The following RGS12 variants were observed in gnomAD, a reference collection of about 807,000 sequenced individuals.
RGS12 encodes regulator of G-protein signaling 12.
Under a neutral mutation model 120.1 loss-of-function variants are expected in RGS12, and 66 were observed. The observed-to-expected ratio is 0.55, with a 90% confidence interval of 0.45 to 0.67. The LOEUF is 0.67. RGS12 is among the 30% of genes least tolerant of loss of function. RGS12 has a pLI of 0.00. For missense variants in RGS12, 1,859 were observed against 1,957.7 expected (o/e 0.95, Z 0.95); for synonymous variants, 827 against 804.7 (o/e 1.03, Z -0.47).
intron 2 of RGS12, among the ~76,000 whole-genome samples, chr4:3,340,979 G>T (rs1189991103): frequency 6.6e-6 from 1 of 151,866 alleles, no homozygotes; most frequent in African/African-American, 2.4e-5. Context: ...CTGCCTGCCG[G>T]CTGCCCTCTG....
chr4:3,422,269 C>T (rs890967781), intron 10 of RGS12, 107 bp from the exon 11 acceptor site: 1 of 1,153,594 alleles, frequency 8.7e-7, no homozygotes, highest in Non-Finnish European at 1.2e-6. Context: ...GGCAGGGCGC[C>T]AGCCTCCCCA....
At chr4:3,290,177 G>A (rs1560628935), upstream of RGS12, among the ~76,000 whole-genome samples, 1 of 152,198 alleles carries the variant, frequency 6.6e-6, no homozygotes, top group Non-Finnish European at 1.5e-5. Flanking sequence ...TCAGCAATGA[G>A]ATTGCTGGAT....
rs1724026770 is a variant in RGS12 at position 3,307,276 on chromosome 4, G to A, written c.-101-8794G>A. The stretch of plus-strand genomic sequence containing the variant: ...CCTTGCTCTTAGGCAGACTGTCTTG[G>A]ACATGAGCCCGCGCACCGCTGGGGA... On this transcript the variant is annotated intron_variant, in intron 1 of 17. Coordinates refer to ENST00000336727, the MANE Select transcript of RGS12 (RefSeq NM_001394154.1). Among the ~76,000 whole-genome samples, 4 of 152,212 alleles carry A rather than the reference G, an allele frequency of 2.6e-5. No homozygotes were observed. In the South Asian group the frequency reaches 8.3e-4, roughly 32 times the overall value.
At chr4:3,403,207 C>T (rs1167519947) in intron 4 of RGS12, among the ~76,000 whole-genome samples, 2 of 152,214 alleles carry the variant, frequency 1.3e-5, no homozygotes, top group Non-Finnish European at 2.9e-5. Flanking sequence ...TGGGCTCTGC[C>T]AGAATAGTTA....
intron 2 of RGS12, among the ~76,000 whole-genome samples, chr4:3,330,606 C>A (rs1162862223): frequency 2.0e-5 from 3 of 152,150 alleles, no homozygotes; most frequent in African/African-American, 7.2e-5. Flanking sequence ...ATGAAATTGT[C>A]TGTTGACAAT....
At position 3,436,502 on chromosome 4, in the gene RGS12, G is replaced by C. The variant is rs934337328; in HGVS notation, c.4115-2953G>C. Reference sequence around the variant, plus strand: ...GGGGGACGGGGTCCCTCGGGGGGCAGGAAGGGCGGGCAGTGGGAGAGGTGC... The same window carrying C: ...GGGGGACGGGGTCCCTCGGGGGGCACGAAGGGCGGGCAGTGGGAGAGGTGC... On this transcript the variant is annotated intron_variant, in intron 17 of 17. Transcript: ENST00000336727. Among the ~76,000 whole-genome samples, 3 of 152,216 alleles carry C rather than the reference G, an allele frequency of 2.0e-5. No individual in the cohort carries two copies. In the East Asian group the frequency reaches 5.8e-4, roughly 29 times the overall value.
intron 4 of RGS12, among the ~76,000 whole-genome samples, chr4:3,388,827 G>T (rs916473299): frequency 5.9e-5 from 9 of 152,222 alleles, no homozygotes; most frequent in Non-Finnish European, 1.2e-4. Flanking sequence ...ATAGGCTGTG[G>T]TCAGTGGGAG....
Position 3,317,171 on chromosome 4 carries a change from G to A in RGS12, c.1001G>A (p.Arg334Gln), listed in dbSNP as rs141275099. Residue 334 changes from arginine (R) to glutamine (Q), a missense_variant, in exon 2 of 18, where the codon CGG (arginine) becomes CAG (glutamine). This residue lies in a region of RGS12 where 967 missense variants were observed against 994.2 expected (regional missense o/e 0.97). Transcript: ENST00000336727. ...GCCCAGGAGGAGGAGGGCGCCCTGC[G>A]GACTTCCTGCCACGTGTTCATGGTG... The part of the protein sequence containing the change: ...SLAQEEEGAL[R>Q]TSCHVFMVDP... 5 of 1,614,110 alleles carry A rather than the reference G, an allele frequency of 3.1e-6. No homozygotes were observed. In the East Asian group the frequency reaches 6.7e-5, roughly 22 times the overall value.
intron 4 of RGS12, among the ~76,000 whole-genome samples, chr4:3,410,693 C>T (rs1244135882): frequency 1.3e-5 from 2 of 152,250 alleles, no homozygotes; most frequent in South Asian, 2.1e-4. Flanking sequence ...TCAGACTTCA[C>T]TGCCATCGTG....
At position 3,365,291 on chromosome 4, in the gene RGS12, G is replaced by A. The variant is rs562224912; in HGVS notation, c.1999-21125G>A. On this transcript the variant is annotated intron_variant, in intron 3 of 17. Coordinates refer to ENST00000336727, the MANE Select transcript of RGS12 (RefSeq NM_001394154.1). This position sits in a 1 kb window ranked among gnomAD's most constrained non-coding sequence, Gnocchi z 4.0. The stretch of plus-strand genomic sequence containing the variant: ...CATGCTACAGCGGCAGAGTGGGGTC[G>A]AGTGCGTGGTGTCGCCTGCACAGCG... Among the ~76,000 whole-genome samples the A allele has an allele frequency of 6.6e-6, 1 of 152,300 alleles. No homozygotes were observed. The highest frequency in any genetic ancestry group is 2.1e-4 in the South Asian group (1 of 4,828).
Position 3,431,026 on chromosome 4 carries a change from A to G in RGS12, c.4114+71A>G, listed in dbSNP as rs1215468509. 4 of 1,554,936 alleles carry G rather than the reference A, an allele frequency of 2.6e-6. No homozygotes were observed. The East Asian group carries it at 9.3e-5, about 36-fold the overall frequency. On this transcript the variant is annotated intron_variant, in intron 17 of 17. Coordinates refer to ENST00000336727, the MANE Select transcript of RGS12 (RefSeq NM_001394154.1). ...TCTGCTCAGCTTCCAGTCAGAAAGGACAGTGGGCCCCCGGCTGCCACTGTT... is the reference window on the plus strand; with the variant it reads ...TCTGCTCAGCTTCCAGTCAGAAAGGGCAGTGGGCCCCCGGCTGCCACTGTT...
At chr4:3,412,973 G>A (rs999597323) in intron 4 of RGS12, 2 of 149,470 alleles carry the variant, frequency 1.3e-5, no homozygotes, top group African/African-American at 2.5e-5. Flanking sequence ...CACTGCTCAC[G>A]TCAGGAGGGA....
At chr4:3,388,116 CT>C (rs1719051428) in intron 4 of RGS12, among the ~76,000 whole-genome samples, 1 of 152,298 alleles carries the variant, frequency 6.6e-6, no homozygotes, top group South Asian at 2.1e-4. Context: ...TTTCCACCCC[CT>C]GCTCCTCCTT....
Position 3,414,147 on chromosome 4 carries a change from A to C in RGS12, c.2096A>C (p.Gln699Pro). 6.4e-7 allele frequency: 1 copy of C among 1,565,676 alleles called. No individual in the cohort carries two copies. ...AGCAATGCCAGCCTCCCCAGCGTGCAGAGCTGCCGGCGCCTGCGTGAGAGG... is the reference window on the plus strand; with the variant it reads ...AGCAATGCCAGCCTCCCCAGCGTGCCGAGCTGCCGGCGCCTGCGTGAGAGG... ...LSSNASLPSV[Q>P]SCRRLRERRV... The change falls in exon 5 of 18, where the codon CAG becomes CCG. Residue 699 changes from glutamine (Q) to proline (P), a missense_variant. By Grantham distance (76) the Gln-to-Pro change is moderately conservative. Around this residue, in one of 3 missense-constraint regions of RGS12, gnomAD observed 967 missense variants for 994.2 expected, o/e 0.97. Coordinates refer to ENST00000336727, the MANE Select transcript of RGS12 (RefSeq NM_001394154.1).
chr4:3,304,694 C>G (rs1723876794), intron 1 of RGS12, among the ~76,000 whole-genome samples: 1 of 152,214 alleles, frequency 6.6e-6, no homozygotes, highest in Non-Finnish European at 1.5e-5. Flanking sequence ...GTGTGATTTC[C>G]TTAATCACCT....
At chr4:3,398,273 T>A (rs1720243649) in intron 4 of RGS12, among the ~76,000 whole-genome samples, 1 of 152,176 alleles carries the variant, frequency 6.6e-6, no homozygotes, top group Non-Finnish European at 1.5e-5. Flanking sequence ...AGAAAGAGCA[T>A]CAGAGGAGAA....
Position 3,417,206 on chromosome 4 carries a change from C to T in RGS12, c.2607+114C>T, listed in dbSNP as rs148796460. On this transcript the variant is annotated intron_variant, in intron 8 of 17. Transcript: ENST00000336727. Reference sequence around the variant, plus strand: ...CGGCGTCTTCACCAGTGGTGGGTGACGCTCCATGCTGGAAAGTTCCAGCTG... The same window carrying T: ...CGGCGTCTTCACCAGTGGTGGGTGATGCTCCATGCTGGAAAGTTCCAGCTG... 4.3e-5 allele frequency: 57 copies of T among 1,341,128 alleles called. No individual in the cohort carries two copies. In the East Asian group the frequency reaches 4.6e-4, roughly 11 times the overall value. The allele number at this position is 1,341,128 out of a possible 1,614,324, so 83.1% of individuals were successfully genotyped here.
Position 3,317,502 on chromosome 4 carries a change from T to G in RGS12, c.1332T>G (p.Gly444=). 1 of 1,613,114 alleles carries G rather than the reference T, an allele frequency of 6.2e-7. No individual in the cohort carries two copies. The highest frequency in any genetic ancestry group is 8.5e-7 in the Non-Finnish European group (1 of 1,179,980). ...ACCGGGTCCTTGTGGTGGACCTGGG[T>G]GGGAGCTCGAGCAGACACGGCCCCG... The part of the protein sequence containing the change: ...KSNRVLVVDL[G]GSSSRHGPGG... The change falls in exon 2 of 18, where the codon GGT becomes GGG. Residue 444 remains glycine, a synonymous_variant. Transcript: ENST00000336727.
intron 3 of RGS12, among the ~76,000 whole-genome samples, chr4:3,376,478 A>G (rs571106389): frequency 1.3e-5 from 2 of 152,302 alleles, no homozygotes; most frequent in East Asian, 3.9e-4. Context: ...TGCAGGGGCC[A>G]TCGAAGTCCT....
Sources: allele counts gnomAD v4.1 joint callset (sites outside exome capture counted in the v4.1 genomes callset), GRCh38; gene constraint gnomAD v4.1.1; regional missense constraint gnomAD v4.1.1; non-coding constraint Gnocchi (gnomAD v3.1); transcripts MANE v1.5; gene names NCBI Gene and HGNC (gene_info 2026-07-23, HGNC 2026-07-21).